The following ANGPT2 variants were observed in gnomAD, a reference collection of about 807,000 sequenced individuals.
ANGPT2 encodes the protein angiopoietin 2.
ANGPT2 carries 28 observed loss-of-function variants against 62.9 expected under a neutral mutation model. That is an observed-to-expected ratio of 0.44 (90% CI 0.33 to 0.61). The LOEUF is 0.61. Among genes scored for constraint, ANGPT2 ranks in the 20% least tolerant of loss-of-function variants. ANGPT2 has a pLI of 0.03. For synonymous variants in ANGPT2, 284 were observed against 207.8 expected (o/e 1.37, Z -3.15); for missense variants, 727 against 594.9 (o/e 1.22, Z -2.31).
intron 2 of ANGPT2, among the ~76,000 whole-genome samples, chr8:6,528,559 C>T (rs949462591): frequency 6.6e-6 from 1 of 152,236 alleles, no homozygotes; most frequent in Non-Finnish European, 1.5e-5. Flanking sequence ...AGCCGTATAG[C>T]GTGAGTGTGA....
intron 3 of ANGPT2, among the ~76,000 whole-genome samples, chr8:6,523,645 A>G (rs2515450): frequency 0.075 from 11,445 of 152,192 alleles, 522 homozygotes; most frequent in African/African-American, 0.12. Flanking sequence ...GCTGTTGTGC[A>G]GTGGCGCGAT....
intron 8 of ANGPT2, among the ~76,000 whole-genome samples, chr8:6,503,634 C>A (rs1335902604): frequency 2.6e-5 from 4 of 152,168 alleles, no homozygotes; most frequent in Non-Finnish European, 4.4e-5. Flanking sequence ...ACTTTGCAGT[C>A]CCAGCAACAT....
intron 1 of ANGPT2, among the ~76,000 whole-genome samples, chr8:6,557,640 T>C (rs1302965280): frequency 6.6e-6 from 1 of 151,844 alleles, no homozygotes; most frequent in Non-Finnish European, 1.5e-5. Flanking sequence ...GGCCATCCTA[T>C]AGAACAAATA....
At chr8:6,512,949 T>G (rs976281482) in intron 7 of ANGPT2, among the ~76,000 whole-genome samples, 3 of 152,224 alleles carry the variant, frequency 2.0e-5, no homozygotes, top group Non-Finnish European at 4.4e-5. Flanking sequence ...TGAAGACAAT[T>G]GAATGTGTTT....
In ANGPT2 at chr8:6,562,766, A is replaced by G; in HGVS notation, c.169T>C (p.Ser57Pro). The G allele has an allele frequency of 6.2e-7, 1 of 1,613,814 alleles. No homozygotes were observed. Among genetic ancestry groups the G allele is most frequent in the Non-Finnish European group, 8.5e-7 (1 of 1,179,954 alleles). The change falls in exon 1 of 9, where the codon TCC becomes CCC. Residue 57 changes from serine (S) to proline (P), a missense_variant. Coordinates refer to ENST00000629816, the MANE Select transcript of ANGPT2 (RefSeq NM_001118887.2). ...LPEMDNCRSS[S>P]SPYVSNAVQR... ...ACAGCATTGGACACGTAGGGGCTGGAGGAAGAGCGGCAGTTGTCCATCTCT... is the reference window on the plus strand; with the variant it reads ...ACAGCATTGGACACGTAGGGGCTGGGGGAAGAGCGGCAGTTGTCCATCTCT...
chr8:6,539,582 T>C (rs989382614), intron 1 of ANGPT2, among the ~76,000 whole-genome samples: 4 of 152,158 alleles, frequency 2.6e-5, no homozygotes, highest in Non-Finnish European at 5.9e-5. Flanking sequence ...TTTCTAGTCA[T>C]ACTTTTTTAT....
intron 1 of ANGPT2, among the ~76,000 whole-genome samples, chr8:6,535,235 C>T (rs1262135450): frequency 2.6e-5 from 4 of 152,286 alleles, no homozygotes; most frequent in Non-Finnish European, 5.9e-5. Flanking sequence ...CTGCCTTCCC[C>T]CATTTCTAGA....
chr8:6,499,672 T>C lies in ANGPT2; in HGVS notation c.*3429A>G, dbSNP rs955294355. 5 of 577,054 alleles carry C rather than the reference T, an allele frequency of 8.7e-6. No homozygotes were observed. The highest frequency in any genetic ancestry group is 5.6e-5 in the African/African-American group (3 of 53,548). 35.7% of individuals were successfully genotyped at this position (577,054 alleles called of 1,614,324 possible). A position where few individuals can be genotyped will look rare whatever the true frequency, so the allele number is the denominator to read the frequency against. ...AGACTTTTTCTCAATCAACTTTTTATTAATATTCATAACATTTATGCAACA... is the reference window on the plus strand; with the variant it reads ...AGACTTTTTCTCAATCAACTTTTTACTAATATTCATAACATTTATGCAACA... On this transcript the variant is annotated 3_prime_UTR_variant, in exon 9 of 9. Transcript: ENST00000629816.
intron 6 of ANGPT2, among the ~76,000 whole-genome samples, chr8:6,514,161 T>C (rs752087840): frequency 4.6e-5 from 7 of 152,186 alleles, no homozygotes; most frequent in Non-Finnish European, 8.8e-5. Flanking sequence ...ACCAAAAAAA[T>C]GCTGAGTCCA....
At chr8:6,516,778 T>A (rs556133970) in intron 5 of ANGPT2, among the ~76,000 whole-genome samples, 12 of 152,330 alleles carry the variant, frequency 7.9e-5, no homozygotes, top group African/African-American at 2.4e-4. Flanking sequence ...AATGTTTGAT[T>A]CTTCAGTGTC....
chr8:6,528,810 C>T (rs148224907), intron 2 of ANGPT2, among the ~76,000 whole-genome samples: 132 of 152,352 alleles, frequency 8.7e-4, no homozygotes, highest in African/African-American at 2.9e-3. Context: ...ATGTCATTTG[C>T]AGGAGCCTTG....
Position 6,509,078 on chromosome 8 carries a change from G to GA in ANGPT2, c.1197-17dup, listed in dbSNP as rs759292001. On this transcript the variant is annotated splice_polypyrimidine_tract_variant and intron_variant, in intron 7 of 8. Transcript: ENST00000629816. Reference sequence around the variant, plus strand: ...AAGGTGAATCCTGTAAGCGTGCAAAGAAAAAAAACACATTGGCTAGGGTCA... The same window carrying GA: ...AAGGTGAATCCTGTAAGCGTGCAAAGAAAAAAAAACACATTGGCTAGGGTCA... 129 of 1,603,554 alleles carry GA rather than the reference G, an allele frequency of 8.0e-5. No homozygotes were observed. The highest frequency in any genetic ancestry group is 9.6e-5 in the Non-Finnish European group (113 of 1,176,470).
At chr8:6,534,548 C>A (rs1401053279) in intron 1 of ANGPT2, among the ~76,000 whole-genome samples, 3 of 152,078 alleles carry the variant, frequency 2.0e-5, no homozygotes, top group African/African-American at 7.2e-5. Context: ...GGACTACGAG[C>A]GTGAGCCAGC....
At chr8:6,514,570 T>C (rs139271539) in intron 6 of ANGPT2, 107 bp downstream of exon 6, 21 of 979,040 alleles carry the variant, frequency 2.1e-5, no homozygotes, top group Middle Eastern at 4.3e-4. Flanking sequence ...AAAAACCATG[T>C]CAAAAGTCAT....
Position 6,533,462 on chromosome 8 carries a change from T to G in ANGPT2, c.289-975A>C, listed in dbSNP as rs59563468. On this transcript the variant is annotated intron_variant, in intron 1 of 8. Transcript: ENST00000629816. Reference sequence around the variant, plus strand: ...CTTTTGGGACCCTAGTTTCCTCATATGTAAAATAGGGTTTCTGGTTGGTCA... The same window carrying G: ...CTTTTGGGACCCTAGTTTCCTCATAGGTAAAATAGGGTTTCTGGTTGGTCA... Among the ~76,000 whole-genome samples the G allele has an allele frequency of 0.022, 3,355 of 152,210 alleles. 385 individuals are homozygous for G. In the East Asian group the frequency reaches 0.35, roughly 16 times the overall value.
In ANGPT2 at chr8:6,521,271, T is replaced by A; in HGVS notation, c.706A>T (p.Thr236Ser). ...AGAACTGAATTATTCACCGTGGCAGTCACTATTTTTTTTTCTAGTTCTTCA... is the reference window on the plus strand; with the variant it reads ...AGAACTGAATTATTCACCGTGGCAGACACTATTTTTTTTTCTAGTTCTTCA... ...IIEELEKKIV[T>S]ATVNNSVLQK... The change falls in exon 4 of 9, where the codon ACT (threonine) becomes TCT (serine). Residue 236 changes from threonine (T) to serine (S), a missense_variant. Physicochemically the swap from Thr to Ser is moderately conservative, Grantham distance 58. Transcript: ENST00000629816. 4 of 1,613,918 alleles carry A rather than the reference T, an allele frequency of 2.5e-6. No homozygotes were observed. The highest frequency in any genetic ancestry group is 1.7e-5 in the Admixed American group (1 of 60,024).
At chr8:6,505,501 ATG>A (rs1314018698) in intron 8 of ANGPT2, among the ~76,000 whole-genome samples, 2 of 4,932 alleles carry the variant, frequency 4.1e-4, no homozygotes, top group African/African-American at 1.1e-3. Flanking sequence ...TTCTTTATAT[ATG>A]TATATATAGA....
intron 4 of ANGPT2, among the ~76,000 whole-genome samples, chr8:6,520,639 G>A (rs1817142021): frequency 6.6e-6 from 1 of 152,126 alleles, no homozygotes; most frequent in Non-Finnish European, 1.5e-5. Flanking sequence ...CAAGTGATCT[G>A]CCTGCCTCAG....
rs1377731905 is a variant in ANGPT2, at chr8:6,500,311, GTATT to G, written c.*2786_*2789del. On this transcript the variant is annotated 3_prime_UTR_variant, in exon 9 of 9. Coordinates refer to ENST00000629816, the MANE Select transcript of ANGPT2 (RefSeq NM_001118887.2). Reference sequence around the variant, plus strand: ...ATGGCTTGCTGGTGCTGTGATAACAGTATTTATATTTTTATGGCTTTCCTAAATT... The same window carrying G: ...ATGGCTTGCTGGTGCTGTGATAACAGTATATTTTTATGGCTTTCCTAAATT... 5.8e-6 allele frequency: 1 copy of G among 173,894 alleles called. No individual in the cohort carries two copies. Among genetic ancestry groups the G allele is most frequent in the Non-Finnish European group, 1.2e-5 (1 of 80,756 alleles). 10.8% of individuals were successfully genotyped at this position (173,894 alleles called of 1,614,324 possible). A position where few individuals can be genotyped will look rare whatever the true frequency, so the allele number is the denominator to read the frequency against.
Sources: allele counts gnomAD v4.1 joint callset (sites outside exome capture counted in the v4.1 genomes callset), GRCh38; gene constraint gnomAD v4.1.1; transcripts MANE v1.5; gene names NCBI Gene and HGNC (gene_info 2026-07-23, HGNC 2026-07-21).